The following KLF15 variants were observed in gnomAD, a reference collection of about 807,000 sequenced individuals.
KLF15 encodes the protein KLF transcription factor 15.
KLF15 carries 4 observed loss-of-function variants against 24.6 expected under a neutral mutation model. That is an observed-to-expected ratio of 0.16 (90% confidence interval 0.08 to 0.37). The LOEUF (loss-of-function observed/expected upper bound fraction) is 0.37. Ranked by LOEUF, KLF15 falls within the 10% of genes least tolerant of loss-of-function variation. KLF15 has a pLI of 1.00. For synonymous variants in KLF15, 246 were observed against 236.3 expected (o/e 1.04, Z -0.37); for missense variants, 496 against 560.6 (o/e 0.88, Z 1.16).
At chr3:126,355,894 G>A (rs1560043112) in intron 1 of KLF15, among the ~76,000 whole-genome samples, 1 of 152,224 alleles carries the variant, frequency 6.6e-6, no homozygotes, top group East Asian at 1.9e-4. Flanking sequence ...ATTAAAGAGA[G>A]GACACTCTAG....
chr3:126,357,033 G>C (rs1029364983), intron 1 of KLF15, among the ~76,000 whole-genome samples: 1 of 143,660 alleles, frequency 7.0e-6, no homozygotes, highest in Admixed American at 6.8e-5. Flanking sequence ...CGACCGGGGC[G>C]GGGGGGGTCA....
chr3:126,349,507 C>T (rs555162063), intron 2 of KLF15, among the ~76,000 whole-genome samples: 70 of 152,318 alleles, frequency 4.6e-4, no homozygotes, highest in Non-Finnish European at 9.4e-4. Flanking sequence ...CTCATGTACA[C>T]CCCCTGCCAT....
chr3:126,352,784 A>T lies in KLF15; in HGVS notation c.139T>A (p.Ser47Thr), dbSNP rs772275573. ...SPVSEDDSDA[S>T]SPCSCSSPDS... ...GGACTGGAACAGGAGCAGGGGCTGG[A>T]GGCATCGCTGTCATCTTCAGAGACG... Residue 47 changes from serine to threonine, a missense_variant, in exon 2 of 3, where the codon TCC becomes ACC. Physicochemically the swap from Ser to Thr is moderately conservative, Grantham distance 58 (BLOSUM62 1). Around this residue, in one of 3 missense-constraint regions of KLF15, gnomAD observed 399 missense variants for 423.1 expected, o/e 0.94. Transcript: ENST00000296233. 1.2e-5 allele frequency: 19 copies of T among 1,581,796 alleles called. No homozygotes were observed. Among genetic ancestry groups the T allele is most frequent in the Non-Finnish European group, 1.6e-5 (19 of 1,163,796 alleles).
At chr3:126,290,233 G>A in the KLF15 span, among the ~76,000 whole-genome samples, 2 of 152,138 alleles carry the variant, frequency 1.3e-5, no homozygotes, top group Middle Eastern at 3.4e-3. Flanking sequence ...GCTGCTGTAA[G>A]CTTCCCTATA....
chr3:126,339,518 C>T (rs899805974), downstream of KLF15, among the ~76,000 whole-genome samples: 3 of 152,128 alleles, frequency 2.0e-5, no homozygotes, highest in East Asian at 1.9e-4. Context: ...CCTCATTCTG[C>T]ATCTTTTGAA....
chr3:126,296,048 A>G, the KLF15 span, among the ~76,000 whole-genome samples: 2 of 152,152 alleles, frequency 1.3e-5, no homozygotes, highest in Non-Finnish European at 2.9e-5. Context: ...ACGTATCACA[A>G]TGGTCCTGAA....
chr3:126,329,143 C>A, the KLF15 span, among the ~76,000 whole-genome samples: 69 of 152,328 alleles, frequency 4.5e-4, no homozygotes, highest in South Asian at 5.0e-3. Flanking sequence ...CTTTTACCCA[C>A]TTGGAGTGGA....
At chr3:126,310,789 T>G in the KLF15 span, among the ~76,000 whole-genome samples, 1 of 152,212 alleles carries the variant, frequency 6.6e-6, no homozygotes, top group African/African-American at 2.4e-5. Context: ...TGCAAGACCC[T>G]GTCTCCAAAT....
At chr3:126,305,498 A>G in the KLF15 span, among the ~76,000 whole-genome samples, 2 of 152,374 alleles carry the variant, frequency 1.3e-5, no homozygotes, top group African/African-American at 2.4e-5. Context: ...GGAGGAAAAG[A>G]GTAGCCCTCT....
the KLF15 span, among the ~76,000 whole-genome samples, chr3:126,332,293 A>AC: frequency 1.4e-5 from 2 of 147,742 alleles, no homozygotes; most frequent in South Asian, 2.3e-4. Flanking sequence ...ACTGGGAGGC[A>AC]CCCCCCAGCA....
the KLF15 span, among the ~76,000 whole-genome samples, chr3:126,312,764 A>C: frequency 6.6e-6 from 1 of 152,156 alleles, no homozygotes; most frequent in Non-Finnish European, 1.5e-5. Flanking sequence ...ACAGTTTTGG[A>C]GGCTGCAAGT....
At chr3:126,337,407 C>A in the KLF15 span, among the ~76,000 whole-genome samples, 1 of 115,296 alleles carries the variant, frequency 8.7e-6, no homozygotes, top group African/African-American at 3.6e-5. Context: ...AGGGGAATAT[C>A]ACACTCTGGG....
chr3:126,349,083 G>A (rs1024453280), intron 2 of KLF15, among the ~76,000 whole-genome samples: 6 of 152,094 alleles, frequency 3.9e-5, no homozygotes, highest in Admixed American at 1.3e-4. Context: ...GTAAGGAGCT[G>A]CAGGGGCTCC....
At chr3:126,294,618 C>T in the KLF15 span, among the ~76,000 whole-genome samples, 1 of 152,150 alleles carries the variant, frequency 6.6e-6, no homozygotes, top group African/African-American at 2.4e-5. Flanking sequence ...GAGCACTTTT[C>T]TCTGCTTGCA....
At chr3:126,330,382 A>G in the KLF15 span, among the ~76,000 whole-genome samples, 1 of 152,252 alleles carries the variant, frequency 6.6e-6, no homozygotes, top group South Asian at 2.1e-4. Context: ...CAGTCCATGT[A>G]TTTCTGTGGG....
the KLF15 span, among the ~76,000 whole-genome samples, chr3:126,291,858 C>T: frequency 6.6e-6 from 1 of 152,224 alleles, no homozygotes; most frequent in East Asian, 1.9e-4. Flanking sequence ...CAGCCAGGTG[C>T]CCTGGAACTG....
At chr3:126,346,166 T>C (rs2082534381) in intron 2 of KLF15, among the ~76,000 whole-genome samples, 1 of 152,200 alleles carries the variant, frequency 6.6e-6, no homozygotes, top group East Asian at 1.9e-4. Flanking sequence ...CTGACACCTG[T>C]GCTCCTGGGC....
At chr3:126,294,072 A>G in the KLF15 span, 2 of 152,222 alleles carry the variant, frequency 1.3e-5, no homozygotes, top group Admixed American at 1.3e-4. Flanking sequence ...GCTCTTGGAC[A>G]GTCTCTCCGC....
At position 126,356,892 on chromosome 3, in the gene KLF15, C is replaced by G. The variant is rs2082637123; in HGVS notation, c.-26+345G>C. On this transcript the variant is annotated intron_variant, in intron 1 of 2. Coordinates refer to ENST00000296233, the MANE Select transcript of KLF15 (RefSeq NM_014079.4). The surrounding 1 kb of genome is among the most constrained non-coding windows in gnomAD (Gnocchi z 4.4). Reference sequence around the variant, plus strand: ...CCAACCCCGGGCTGGCCAGCGCGTCCGCTCTCCCCCTCCTCTCACCAGGCC... The same window carrying G: ...CCAACCCCGGGCTGGCCAGCGCGTCGGCTCTCCCCCTCCTCTCACCAGGCC... 6.6e-6 allele frequency among the ~76,000 whole-genome samples: 1 copy of G among 151,824 alleles called. No homozygotes were observed. The highest frequency in any genetic ancestry group is 1.5e-5 in the Non-Finnish European group (1 of 67,884).
Sources: allele counts gnomAD v4.1 joint callset (sites outside exome capture counted in the v4.1 genomes callset), GRCh38; gene constraint gnomAD v4.1.1; regional missense constraint gnomAD v4.1.1; non-coding constraint Gnocchi (gnomAD v3.1); transcripts MANE v1.5; gene names NCBI Gene and HGNC (gene_info 2026-07-23, HGNC 2026-07-21).